The following NXPE2 variants were observed in gnomAD, a reference collection of about 807,000 sequenced individuals.
NXPE2 encodes the protein neurexophilin and PC-esterase domain family member 2.
Under a neutral mutation model 34.4 loss-of-function variants are expected in NXPE2, and 34 were observed. The ratio of observed to expected loss-of-function variants is 0.99; its 90% CI spans 0.75 to 1.31. The LOEUF (loss-of-function observed/expected upper bound fraction) is 1.31, where lower values mean the gene tolerates loss of function less well. NXPE2 is among the 40% of genes most tolerant of loss of function. The probability of loss-of-function intolerance (pLI) is 0.00; values close to 1 mark genes in which losing one functional copy is unlikely to be tolerated. For synonymous variants in NXPE2, 235 were observed against 231.3 expected (o/e 1.02, Z -0.15); for missense variants, 649 against 672.5 (o/e 0.97, Z 0.39).
the NXPE2 span, chr11:114,594,796 AC>A: frequency 9.1e-7 from 1 of 1,101,680 alleles, no homozygotes. Flanking sequence ...AAAAACAAGC[AC>A]AAAAACATAC....
At chr11:114,571,423 C>T in the NXPE2 span, 151 of 1,611,508 alleles carry the variant, frequency 9.4e-5, no homozygotes, top group African/African-American at 1.8e-3. Context: ...AAATCCACAG[C>T]AAGCTGGTGT....
chr11:114,623,806 A>T, the NXPE2 span, among the ~76,000 whole-genome samples: 1 of 149,000 alleles, frequency 6.7e-6, no homozygotes, highest in Admixed American at 6.6e-5. Flanking sequence ...GGATAACAAG[A>T]ATTGCCTCGT....
chr11:114,530,455 G>A, the NXPE2 span: 3 of 1,614,192 alleles, frequency 1.9e-6, no homozygotes, highest in South Asian at 1.1e-5. Context: ...CCTTCACTGG[G>A]GTGGATGAGC....
At chr11:114,564,412 CAAAT>C in the NXPE2 span, among the ~76,000 whole-genome samples, 7 of 152,060 alleles carry the variant, frequency 4.6e-5, no homozygotes, top group Admixed American at 3.9e-4. Context: ...CCATTAATCA[CAAAT>C]AATCATCCTA....
the NXPE2 span, among the ~76,000 whole-genome samples, chr11:114,787,321 T>G: frequency 6.6e-6 from 1 of 152,140 alleles, no homozygotes; most frequent in South Asian, 2.1e-4. Flanking sequence ...ATCACTTGAT[T>G]CTTAAGTGAG....
At chr11:114,703,573 G>A (rs1951407470) in intron 3 of NXPE2, among the ~76,000 whole-genome samples, 2 of 152,150 alleles carry the variant, frequency 1.3e-5, no homozygotes, top group African/African-American at 2.4e-5. Flanking sequence ...GGGTTGATGA[G>A]GGCCTGAATT....
At chr11:114,773,594 AT>A in the NXPE2 span, among the ~76,000 whole-genome samples, 6 of 151,970 alleles carry the variant, frequency 3.9e-5, no homozygotes, top group African/African-American at 1.2e-4. Flanking sequence ...GGTTAATTTT[AT>A]GTGTCAGCTT....
the NXPE2 span, among the ~76,000 whole-genome samples, chr11:114,795,086 C>T: frequency 6.6e-6 from 1 of 152,110 alleles, no homozygotes; most frequent in African/African-American, 2.4e-5. Flanking sequence ...TTGGGTAGGT[C>T]TGTAATCAAT....
intron 2 of NXPE2, among the ~76,000 whole-genome samples, chr11:114,696,096 G>T (rs1951247477): frequency 6.6e-6 from 1 of 151,810 alleles, no homozygotes; most frequent in Non-Finnish European, 1.5e-5. Context: ...TAGCACTTTG[G>T]GATGCTGAGA....
the NXPE2 span, among the ~76,000 whole-genome samples, chr11:114,737,971 C>T: frequency 6.6e-6 from 1 of 152,118 alleles, no homozygotes; most frequent in African/African-American, 2.4e-5. Context: ...CCTGTATTCC[C>T]GGCTACTCAG....
chr11:114,787,193 A>AAAAAG, the NXPE2 span, among the ~76,000 whole-genome samples: 5 of 152,104 alleles, frequency 3.3e-5, no homozygotes, highest in African/African-American at 1.2e-4. Context: ...AAAAAAAGTG[A>AAAAAG]AAAAGAAAGG....
the NXPE2 span, among the ~76,000 whole-genome samples, chr11:114,500,093 A>T: frequency 2.0e-5 from 3 of 151,974 alleles, no homozygotes; most frequent in South Asian, 6.2e-4. Context: ...TTCCTTTAAA[A>T]ATCTTTCTGT....
chr11:114,610,818 G>T, the NXPE2 span, among the ~76,000 whole-genome samples: 1 of 151,914 alleles, frequency 6.6e-6, no homozygotes, highest in South Asian at 2.1e-4. Context: ...GGTTATCACT[G>T]TTACCCTGTG....
chr11:114,696,985 T>C (rs924600054), intron 2 of NXPE2, among the ~76,000 whole-genome samples: 1 of 152,148 alleles, frequency 6.6e-6, no homozygotes, highest in African/African-American at 2.4e-5. Flanking sequence ...ATAACTAATA[T>C]TAAAATAGAA....
At chr11:114,614,238 C>T in the NXPE2 span, among the ~76,000 whole-genome samples, 1 of 151,928 alleles carries the variant, frequency 6.6e-6, no homozygotes, top group Admixed American at 6.6e-5. Context: ...CGTGGGTAAC[C>T]ACTGTTACCC....
At chr11:114,691,420 G>A (rs1951146750) in intron 2 of NXPE2, among the ~76,000 whole-genome samples, 1 of 152,080 alleles carries the variant, frequency 6.6e-6, no homozygotes, top group Non-Finnish European at 1.5e-5. Flanking sequence ...TAGCAATGTG[G>A]TTTTGTTTGA....
At chr11:114,747,454 C>T in the NXPE2 span, among the ~76,000 whole-genome samples, 1 of 152,058 alleles carries the variant, frequency 6.6e-6, no homozygotes, top group African/African-American at 2.4e-5. Flanking sequence ...ATGTATTAGT[C>T]CAGTTTTATA....
the NXPE2 span, among the ~76,000 whole-genome samples, chr11:114,775,171 G>A: frequency 6.6e-6 from 1 of 152,192 alleles, no homozygotes; most frequent in South Asian, 2.1e-4. Flanking sequence ...GAAGCTACCT[G>A]CACCTCTTGT....
chr11:114,775,719 G>C, the NXPE2 span, among the ~76,000 whole-genome samples: 19,090 of 152,124 alleles, frequency 0.13, 1,254 homozygotes, highest in Admixed American at 0.19. Context: ...TTATTTAATA[G>C]AGGGCTCTGA....
Sources: allele counts gnomAD v4.1 joint callset (sites outside exome capture counted in the v4.1 genomes callset), GRCh38; gene constraint gnomAD v4.1.1; transcripts MANE v1.5; gene names NCBI Gene and HGNC (gene_info 2026-07-23, HGNC 2026-07-21).